ARHGEF28: variants seen among roughly 807,000 people sequenced by gnomAD.
ARHGEF28 encodes Rho guanine nucleotide exchange factor 28, also known as 190 kDa guanine nucleotide exchange factor.
In ARHGEF28, 152 loss-of-function variants were observed where a neutral mutation model predicts 206.6. The ratio of observed to expected loss-of-function variants is 0.74; its 90% confidence interval spans 0.64 to 0.84. The LOEUF (loss-of-function observed/expected upper bound fraction) is 0.84, where lower values mean the gene tolerates loss of function less well. Ranked by LOEUF, ARHGEF28 falls within the 40% of genes least tolerant of loss-of-function variation. The probability of loss-of-function intolerance (pLI) is 0.00; values close to 1 mark genes in which losing one functional copy is unlikely to be tolerated. For synonymous variants in ARHGEF28, 763 were observed against 776.4 expected, an observed-to-expected ratio of 0.98 and a Z score of 0.29; for missense variants, 2,028 against 2,073.2, an observed-to-expected ratio of 0.98 and a Z score of 0.42.
At position 73,902,703 on chromosome 5, in the gene ARHGEF28, A is replaced by G. The variant is rs562670814; in HGVS notation, c.4074+1419A>G. ...GAAATCTGACTCAAATGCAGAAATA[A>G]TGGATAAATCGCCAACTGCAGTTTT... On this transcript the variant is annotated intron_variant, in intron 31 of 35. Transcript: ENST00000513042. The G allele has an allele frequency of 9.8e-5, 15 of 152,360 alleles. No homozygotes were observed. In the South Asian group the frequency reaches 3.1e-3, roughly 32 times the overall value. The allele number at this position is 152,360 out of a possible 1,614,324, so 9.4% of individuals were successfully genotyped here. A position where few individuals can be genotyped will look rare whatever the true frequency, so the allele number is the denominator to read the frequency against.
In ARHGEF28 at chr5:73,925,328, C is replaced by T. The variant is rs560732369; in HGVS notation, c.4948+13753C>T. ...TCATTGTGTGGAAGGCTACGCACCC[C>T]CACATCCCCAACCTTTTGTACATGT... On this transcript the variant is annotated intron_variant, in intron 35 of 35. Coordinates refer to ENST00000513042, the MANE Select transcript of ARHGEF28 (RefSeq NM_001177693.2). 5.3e-5 allele frequency among the ~76,000 whole-genome samples: 8 copies of T among 152,316 alleles called. No homozygotes were observed. In the South Asian group the frequency reaches 6.2e-4, roughly 12 times the overall value.
Position 73,852,645 on chromosome 5 carries a change from T to C in ARHGEF28, c.1748-5T>C. 2 of 1,613,644 alleles carry C rather than the reference T, an allele frequency of 1.2e-6. No homozygotes were observed. The highest frequency in any genetic ancestry group is 2.2e-5 in the South Asian group (2 of 91,072). ...GTTTTCATTTTATTGTTCTGTGTCT[T>C]GTAGAGCAAAGAGCTTACAGCTTAT... On this transcript the variant is annotated splice_region_variant and splice_polypyrimidine_tract_variant and intron_variant, in intron 13 of 35. Transcript: ENST00000513042.
chr5:73,685,322 G>T lies in ARHGEF28; in HGVS notation c.33+438G>T, dbSNP rs992807442. Among the ~76,000 whole-genome samples the T allele has an allele frequency of 3.3e-5, 5 of 152,262 alleles. No homozygotes were observed. The East Asian group carries it at 7.7e-4, about 24-fold the overall frequency. The stretch of plus-strand genomic sequence containing the variant: ...AAACAGAAGTGGGAGTTGGCGCTGG[G>T]GGGGACAGGAATGCCCAAGGAGATT... On this transcript the variant is annotated intron_variant, in intron 2 of 35. Transcript: ENST00000513042.
At chr5:73,767,823 A>G (rs568522396) in intron 4 of ARHGEF28, among the ~76,000 whole-genome samples, 1 of 152,336 alleles carries the variant, frequency 6.6e-6, no homozygotes, top group African/African-American at 2.4e-5. Context: ...AAATGTCTCC[A>G]GGGCATGTCA....
chr5:73,665,833 G>A (rs1242048362), intron 1 of ARHGEF28, among the ~76,000 whole-genome samples: 1 of 152,072 alleles, frequency 6.6e-6, no homozygotes, highest in East Asian at 1.9e-4. Context: ...CTTTTCTGGA[G>A]GACACATTCA....
chr5:73,754,131 T>C (rs1021267858), intron 4 of ARHGEF28, among the ~76,000 whole-genome samples: 1 of 152,262 alleles, frequency 6.6e-6, no homozygotes. Context: ...TTTGAGAGTT[T>C]CTGCTTCCTG....
At chr5:73,769,203 G>A (rs1404098405) in intron 4 of ARHGEF28, among the ~76,000 whole-genome samples, 1 of 151,932 alleles carries the variant, frequency 6.6e-6, no homozygotes, top group Admixed American at 6.6e-5. Context: ...ATATATATAT[G>A]TGTGTGTGTG....
intron 35 of ARHGEF28, among the ~76,000 whole-genome samples, chr5:73,926,711 CCA>C (rs773142798): frequency 2.8e-4 from 42 of 152,180 alleles, no homozygotes; most frequent in Non-Finnish European, 5.0e-4. Flanking sequence ...TGTTCCTTGG[CCA>C]CCACATCTGG....
chr5:73,909,536 A>G lies in ARHGEF28; in HGVS notation c.4286A>G (p.Asp1429Gly), dbSNP rs781151429. The change falls in exon 34 of 36, where the codon GAC (aspartate) becomes GGC (glycine). Residue 1429 changes from aspartate (D) to glycine (G), a missense_variant. This residue lies in a region of ARHGEF28 where 803 missense variants were observed against 768.0 expected (regional missense o/e 1.05). Coordinates refer to ENST00000513042, the MANE Select transcript of ARHGEF28 (RefSeq NM_001177693.2). The stretch of plus-strand genomic sequence containing the variant: ...CCCTTGCAGGACCAGAAGTCTCGCG[A>G]CGCGGACAGGCAGCATGAGGAGCTG... The part of the protein sequence containing the change: ...GGPLQDQKSR[D>G]ADRQHEELAN... 1 of 1,592,998 alleles carries G rather than the reference A, an allele frequency of 6.3e-7. No homozygotes were observed. Among genetic ancestry groups the G allele is most frequent in the Non-Finnish European group, 8.5e-7 (1 of 1,169,780 alleles).
chr5:73,650,927 T>C (rs1190829251), intron 1 of ARHGEF28, among the ~76,000 whole-genome samples: 2 of 152,196 alleles, frequency 1.3e-5, no homozygotes, highest in South Asian at 2.1e-4. Flanking sequence ...AAATACCTTC[T>C]GATGTATCCA....
intron 10 of ARHGEF28, among the ~76,000 whole-genome samples, chr5:73,837,287 A>G (rs546763864): frequency 6.6e-6 from 1 of 152,258 alleles, no homozygotes; most frequent in African/African-American, 2.4e-5. Flanking sequence ...AGTTCTTCCA[A>G]TCCATGAACA....
intron 2 of ARHGEF28, among the ~76,000 whole-genome samples, chr5:73,704,399 G>A (rs557691067): frequency 8.5e-5 from 13 of 152,246 alleles, no homozygotes; most frequent in African/African-American, 2.6e-4. Flanking sequence ...TGAACCCACA[G>A]AGGATTATTA....
At chr5:73,756,940 G>A (rs1752344944) in intron 4 of ARHGEF28, among the ~76,000 whole-genome samples, 7 of 152,150 alleles carry the variant, frequency 4.6e-5, no homozygotes, top group Admixed American at 4.6e-4. Context: ...TAACATTAAT[G>A]CCCTAGATTA....
At chr5:73,933,694 A>G (rs570649928) in intron 35 of ARHGEF28, among the ~76,000 whole-genome samples, 38 of 152,312 alleles carry the variant, frequency 2.5e-4, no homozygotes, top group Non-Finnish European at 2.1e-4. Flanking sequence ...GCCAGTCTTA[A>G]TTCAGTGCCT....
intron 24 of ARHGEF28, among the ~76,000 whole-genome samples, chr5:73,884,657 C>G (rs547827576): frequency 2.6e-5 from 4 of 152,334 alleles, no homozygotes; most frequent in African/African-American, 9.6e-5. Flanking sequence ...CTCTGCCACT[C>G]ATTCATTGGG....
intron 26 of ARHGEF28, among the ~76,000 whole-genome samples, chr5:73,889,043 T>A (rs1044494459): frequency 1.3e-5 from 2 of 152,216 alleles, no homozygotes; most frequent in African/African-American, 4.8e-5. Flanking sequence ...ACCCTACTGT[T>A]CATACACTCC....
At chr5:73,679,494 G>A (rs1228756508) in intron 1 of ARHGEF28, among the ~76,000 whole-genome samples, 1 of 150,964 alleles carries the variant, frequency 6.6e-6, no homozygotes, top group Non-Finnish European at 1.5e-5. Context: ...TTGAATCCAG[G>A]AGGCAAAGTT....
At position 73,817,981 on chromosome 5, in the gene ARHGEF28, C is replaced by T. The variant is rs114004627; in HGVS notation, c.1025-14357C>T. Among the ~76,000 whole-genome samples the T allele has an allele frequency of 1.1e-3, 171 of 152,226 alleles. 2 individuals are homozygous for T. The highest frequency in any genetic ancestry group is 6.8e-3 in the Middle Eastern group (2 of 294). On this transcript the variant is annotated intron_variant, in intron 9 of 35. Coordinates refer to ENST00000513042, the MANE Select transcript of ARHGEF28 (RefSeq NM_001177693.2). Reference sequence around the variant, plus strand: ...GTTGTTTGTGCATCTTGATACCTTCCTCCTATACACAGATATAGTACTTAA... The same window carrying T: ...GTTGTTTGTGCATCTTGATACCTTCTTCCTATACACAGATATAGTACTTAA...
chr5:73,908,753 T>G (rs770420843), intron 33 of ARHGEF28: 3 of 152,182 alleles, frequency 2.0e-5, no homozygotes, highest in Non-Finnish European at 2.9e-5. Flanking sequence ...TTCAGCTTAG[T>G]TTTTTGTGCA....
Sources: gnomAD v4.1 joint callset for allele counts (sites outside exome capture counted in the v4.1 genomes callset) on GRCh38, gnomAD v4.1.1 for gene constraint, gnomAD v4.1.1 regional missense constraint, MANE v1.5 for transcripts, NCBI Gene and HGNC (gene_info 2026-07-23, HGNC 2026-07-21) for gene names.